Variants in CSMD1 observed in about 807,000 individuals in gnomAD.
CSMD1 encodes the protein CUB and sushi domain-containing protein 1.
A neutral mutation model predicts 417.5 loss-of-function variants in CSMD1; 213 were observed. That is an observed-to-expected ratio of 0.51 (90% confidence interval 0.46 to 0.57). The LOEUF (loss-of-function observed/expected upper bound fraction) is 0.57. Ranked by LOEUF, CSMD1 falls within the 20% of genes least tolerant of loss-of-function variation. The pLI is 0.00. For synonymous variants in CSMD1, 2,862 were observed against 1,736.8 expected, an observed-to-expected ratio of 1.65 and a Z score of -16.11; for missense variants, 6,923 against 4,529.7, an observed-to-expected ratio of 1.53 and a Z score of -15.17.
chr8:4,915,478 C>T (rs1158294409), intron 1 of CSMD1, among the ~76,000 whole-genome samples: 1 of 152,132 alleles, frequency 6.6e-6, no homozygotes, highest in Non-Finnish European at 1.5e-5. Context: ...TCCTCAGAAC[C>T]AACATATATT....
At chr8:3,495,955 G>A (rs561627096) in intron 10 of CSMD1, among the ~76,000 whole-genome samples, 1 of 152,120 alleles carries the variant, frequency 6.6e-6, no homozygotes, top group African/African-American at 2.4e-5. Flanking sequence ...TGCAGGTTTG[G>A]GACATAGGTA....
intron 1 of CSMD1, among the ~76,000 whole-genome samples, chr8:4,836,529 T>A (rs1293706262): frequency 6.6e-6 from 1 of 152,190 alleles, no homozygotes; most frequent in Non-Finnish European, 1.5e-5. Flanking sequence ...TTGTAATAAA[T>A]AATGAAAATA....
In CSMD1 at chr8:3,359,248, A is replaced by G. The variant is rs2117708909; in HGVS notation, c.3208T>C (p.Ser1070Pro). 1 of 1,613,936 alleles carries G rather than the reference A, an allele frequency of 6.2e-7. No homozygotes were observed. Among genetic ancestry groups the G allele is most frequent in the Middle Eastern group, 1.6e-4 (1 of 6,062 alleles). Residue 1070 changes from serine to proline, a missense_variant, in exon 21 of 70, where the codon TCC becomes CCC. Coordinates refer to ENST00000635120, the MANE Select transcript of CSMD1 (RefSeq NM_033225.6). ...HFGVGDSLTF[S>P]CFLGYRLEGA... ...TCTAAACGATATCCCAGGAAGCAGG[A>G]AAACGTCAGAGAGTCTCCCACACCA...
intron 3 of CSMD1, among the ~76,000 whole-genome samples, chr8:4,153,188 G>C (rs554505765): frequency 2.1e-3 from 314 of 152,308 alleles, no homozygotes; most frequent in Middle Eastern, 6.8e-3. Context: ...GCAGAGCCCA[G>C]TTCCTGCTTT....
intron 5 of CSMD1, among the ~76,000 whole-genome samples, chr8:3,850,760 A>G (rs1193256461): frequency 6.6e-6 from 1 of 152,164 alleles, no homozygotes; most frequent in Non-Finnish European, 1.5e-5. Context: ...GCATTTATAC[A>G]CATCACAGGG....
chr8:3,970,035 A>G (rs1196120044), intron 5 of CSMD1, among the ~76,000 whole-genome samples: 2 of 152,206 alleles, frequency 1.3e-5, no homozygotes, highest in Non-Finnish European at 2.9e-5. Context: ...CTTTCCCTTC[A>G]GCATACTGAG....
intron 26 of CSMD1, among the ~76,000 whole-genome samples, chr8:3,246,496 G>A (rs555575786): frequency 3.6e-4 from 55 of 151,984 alleles, no homozygotes; most frequent in Non-Finnish European, 6.5e-4. Flanking sequence ...TTTTGTGACA[G>A]AGTCTCACTC....
intron 12 of CSMD1, among the ~76,000 whole-genome samples, chr8:3,416,949 G>C (rs1359060709): frequency 6.6e-6 from 1 of 152,200 alleles, no homozygotes; most frequent in Non-Finnish European, 1.5e-5. Flanking sequence ...CCATAGTCAT[G>C]TATATGAACA....
intron 5 of CSMD1, among the ~76,000 whole-genome samples, chr8:3,896,433 CAAAACGTTG>C (rs1426595339): frequency 6.6e-6 from 1 of 152,082 alleles, no homozygotes; most frequent in Non-Finnish European, 1.5e-5. Flanking sequence ...GTAATGTCTC[CAAAACGTTG>C]AACACTTGGG....
chr8:3,214,426 C>T, intron 30 of CSMD1, 71 bp downstream of exon 30: 1 of 1,307,690 alleles, frequency 7.6e-7, no homozygotes, highest in Non-Finnish European at 1.0e-6. Context: ...AATGTGAAAC[C>T]ATTTCTTCAA....
At chr8:4,892,798 G>A (rs1047025426) in intron 1 of CSMD1, among the ~76,000 whole-genome samples, 1 of 151,968 alleles carries the variant, frequency 6.6e-6, no homozygotes, top group Non-Finnish European at 1.5e-5. Context: ...AATCTACCTT[G>A]TAGATGGGAA....
intron 25 of CSMD1, among the ~76,000 whole-genome samples, chr8:3,294,870 G>A (rs998730172): frequency 5.3e-5 from 8 of 152,028 alleles, no homozygotes; most frequent in South Asian, 2.1e-4. Flanking sequence ...AGATGTACCC[G>A]GTACCTTAGT....
chr8:4,232,730 C>T (rs547411458), intron 3 of CSMD1, among the ~76,000 whole-genome samples: 25 of 152,276 alleles, frequency 1.6e-4, no homozygotes, highest in Middle Eastern at 3.4e-3. Context: ...ATTTAACAGT[C>T]GTAAGATTGC....
At chr8:3,163,561 T>G (rs1199272814) in intron 37 of CSMD1, among the ~76,000 whole-genome samples, 1 of 151,782 alleles carries the variant, frequency 6.6e-6, no homozygotes, top group Non-Finnish European at 1.5e-5. Context: ...CAGCTTTCCC[T>G]GCTTCATCTG....
chr8:4,505,113 C>A (rs866891934), intron 2 of CSMD1, among the ~76,000 whole-genome samples: 1 of 152,110 alleles, frequency 6.6e-6, no homozygotes, highest in Non-Finnish European at 1.5e-5. Context: ...AATATAAGCA[C>A]AAATCCAAAA....
chr8:3,047,504 G>A (rs1431818820), intron 50 of CSMD1, among the ~76,000 whole-genome samples: 5 of 152,142 alleles, frequency 3.3e-5, no homozygotes, highest in Non-Finnish European at 5.9e-5. Context: ...GCTCAGTGAG[G>A]GGTTGCGAGT....
intron 23 of CSMD1, among the ~76,000 whole-genome samples, chr8:3,322,308 A>C (rs939014247): frequency 2.0e-5 from 3 of 152,180 alleles, no homozygotes; most frequent in Non-Finnish European, 4.4e-5. Flanking sequence ...TTATTCCTTT[A>C]GGTCTGTTAC....
chr8:3,617,939 G>C (rs900242043), intron 7 of CSMD1, among the ~76,000 whole-genome samples: 10 of 152,172 alleles, frequency 6.6e-5, no homozygotes, highest in African/African-American at 2.2e-4. Context: ...CTGGGTATAT[G>C]TGGAACTCGT....
intron 29 of CSMD1, among the ~76,000 whole-genome samples, chr8:3,217,412 C>T (rs1370427265): frequency 6.6e-6 from 1 of 152,152 alleles, no homozygotes; most frequent in East Asian, 1.9e-4. Flanking sequence ...CATTCGTTGG[C>T]CCATTTATTC....
Sources: allele counts gnomAD v4.1 joint callset (sites outside exome capture counted in the v4.1 genomes callset), GRCh38; gene constraint gnomAD v4.1.1; transcripts MANE v1.5; gene names NCBI Gene and HGNC (gene_info 2026-07-23, HGNC 2026-07-21).